The following PKHD1 variants were observed in gnomAD, a reference collection of about 807,000 sequenced individuals.
PKHD1 encodes the protein fibrocystin.
In PKHD1, 291 loss-of-function variants were observed where a neutral mutation model predicts 412.0. The observed-to-expected ratio is 0.71, with a 90% CI of 0.64 to 0.78. The LOEUF is 0.78. Ranked by LOEUF, PKHD1 falls within the 30% of genes least tolerant of loss-of-function variation. The pLI, the probability that PKHD1 is intolerant of heterozygous loss-of-function variation, is 0.00. For synonymous variants in PKHD1, 1,777 were observed against 1,821.5 expected (o/e 0.98, Z 0.62); for missense variants, 4,825 against 4,950.7 (o/e 0.97, Z 0.76).
At position 51,753,000 on chromosome 6, in the gene PKHD1, C is replaced by T. The variant is rs1786346666; in HGVS notation, c.8950+201G>A. On this transcript the variant is annotated intron_variant, in intron 57 of 66. Coordinates refer to ENST00000371117, the MANE Select transcript of PKHD1 (RefSeq NM_138694.4). ...GAGGTAAAATGTGCATATGTGCTGA[C>T]CACTAGTATATTATTTTAACATCAC... Among the ~76,000 whole-genome samples the T allele has an allele frequency of 2.0e-5, 3 of 152,128 alleles. No homozygotes were observed. The South Asian group carries it at 6.2e-4, about 32-fold the overall frequency.
In PKHD1 at chr6:52,010,443, C is replaced by G. The variant is rs769895249; in HGVS notation, c.5617G>C (p.Asp1873His). The change falls in exon 35 of 67, where the codon GAT (aspartate) becomes CAT (histidine). Residue 1873 changes from aspartate (D) to histidine (H), a missense_variant. Transcript: ENST00000371117. ...GLFISPKLER[D>H]EVLIYNSSCN... ...GAGCTATTATAGATGAGAACTTCAT[C>G]TCTTTCCAATTTAGGGCTGAAACGA... 1.9e-6 allele frequency: 3 copies of G among 1,604,256 alleles called. No homozygotes were observed. The highest frequency in any genetic ancestry group is 2.7e-5 in the African/African-American group (2 of 74,836).
rs910777182 is a variant in PKHD1 at position 51,940,886 on chromosome 6, C to T, written c.5909-6564G>A. Among the ~76,000 whole-genome samples, 20 of 151,444 alleles carry T rather than the reference C, an allele frequency of 1.3e-4. 1 individual carries two copies. ...CCAACTCTGGTGCCATCTTAGACAA[C>T]ATTCTTTTATGCACTCCTTTTTAGT... On this transcript the variant is annotated intron_variant, in intron 36 of 66. Coordinates refer to ENST00000371117, the MANE Select transcript of PKHD1 (RefSeq NM_138694.4).
chr6:51,643,610 T>C (rs1769673457), intron 63 of PKHD1, among the ~76,000 whole-genome samples: 1 of 152,168 alleles, frequency 6.6e-6, no homozygotes, highest in East Asian at 1.9e-4. Flanking sequence ...CCTCAAAGTT[T>C]GGTAGAAAAT....
chr6:51,872,374 G>C (rs1776111935), intron 46 of PKHD1, among the ~76,000 whole-genome samples: 1 of 150,400 alleles, frequency 6.6e-6, no homozygotes, highest in Non-Finnish European at 1.5e-5. Flanking sequence ...AAAAAAATAA[G>C]TTACGTACAA....
chr6:51,791,566 T>C (rs1301606991), intron 52 of PKHD1, among the ~76,000 whole-genome samples, 193 bp from the exon 53 acceptor site: 1 of 152,198 alleles, frequency 6.6e-6, no homozygotes, highest in Non-Finnish European at 1.5e-5. Flanking sequence ...GATTGATAAA[T>C]GCTGCAATTG....
At chr6:51,906,921 C>T (rs1782187274) in intron 40 of PKHD1, among the ~76,000 whole-genome samples, 1 of 152,016 alleles carries the variant, frequency 6.6e-6, no homozygotes, top group Non-Finnish European at 1.5e-5. Flanking sequence ...AAAAAATTGA[C>T]AATTAGGAAA....
In PKHD1 at chr6:51,855,954, A is replaced by G; in HGVS notation, c.7850T>C (p.Leu2617Pro). The G allele has an allele frequency of 2.5e-6, 4 of 1,613,934 alleles. No individual in the cohort carries two copies. The highest frequency in any genetic ancestry group is 3.4e-6 in the Non-Finnish European group (4 of 1,179,776). ...LSNPRGWMAL[L>P]LDQETYSLQS... ...CAATGAGTAGGTCTCTTGGTCCAAG[A>G]GCAGAGCCATCCAGCCACGAGGGTT... is the stretch of plus-strand genomic sequence containing the variant. The change falls in exon 49 of 67, where the codon CTC becomes CCC. Residue 2617 changes from leucine (L) to proline (P), a missense_variant. By Grantham distance (98) the Leu-to-Pro change is moderately conservative. Transcript: ENST00000371117.
At chr6:51,950,472 A>G (rs373893074) in intron 36 of PKHD1, among the ~76,000 whole-genome samples, 48 of 152,120 alleles carry the variant, frequency 3.2e-4, no homozygotes, top group African/African-American at 1.1e-3. Context: ...GGTCCTCACA[A>G]TTCCATAGGG....
chr6:51,900,797 T>C (rs1372073838), intron 43 of PKHD1, among the ~76,000 whole-genome samples: 25 of 151,696 alleles, frequency 1.6e-4, no homozygotes, highest in Non-Finnish European at 1.5e-5. Flanking sequence ...ATATCCAGAA[T>C]CTACAATGAA....
chr6:51,809,774 C>G (rs1024987262), intron 52 of PKHD1, among the ~76,000 whole-genome samples: 2 of 151,292 alleles, frequency 1.3e-5, no homozygotes, highest in African/African-American at 4.9e-5. Context: ...ATTGCATTTT[C>G]TAATTAGTGA....
chr6:51,980,793 T>C (rs756068680), intron 35 of PKHD1, among the ~76,000 whole-genome samples: 2 of 152,240 alleles, frequency 1.3e-5, no homozygotes, highest in African/African-American at 4.8e-5. Context: ...TTTGATACTC[T>C]GAACAGTACA....
At position 51,892,057 on chromosome 6, in the gene PKHD1, T is replaced by C. The variant is rs527877034; in HGVS notation, c.6997-4812A>G. ...GGTTCTTACCCTGGGTATTTGTAAA[T>C]AGACAGCCATTTCTTCCTCATTTTT... On this transcript the variant is annotated intron_variant, in intron 43 of 66. Transcript: ENST00000371117. Among the ~76,000 whole-genome samples the C allele has an allele frequency of 3.9e-4, 59 of 152,346 alleles. 1 individual carries two copies. In the South Asian group the frequency reaches 0.011, roughly 29 times the overall value.
At chr6:52,044,852 C>T (rs1805523905) in intron 25 of PKHD1, 114 bp downstream of exon 25, 2 of 1,170,112 alleles carry the variant, frequency 1.7e-6, no homozygotes, top group Non-Finnish European at 2.6e-6. Flanking sequence ...CTGTTTTACA[C>T]ATTGGCAAAA....
chr6:51,754,993 T>C (rs1786722453), intron 55 of PKHD1, 55 bp from the exon 56 acceptor site: 2 of 1,443,700 alleles, frequency 1.4e-6, no homozygotes, highest in Non-Finnish European at 1.9e-6. Flanking sequence ...ACAAATCATC[T>C]ATTAACTCCA....
chr6:51,659,946 A>T lies in PKHD1; in HGVS notation c.10180T>A (p.Cys3394Ser). 6.2e-7 allele frequency: 1 copy of T among 1,608,898 alleles called. No individual in the cohort carries two copies. The highest frequency in any genetic ancestry group is 1.1e-5 in the South Asian group (1 of 90,954). ...NAGTFREEQKCTYQFLMQGFI... is the reference protein window; with the variant it reads ...NAGTFREEQKSTYQFLMQGFI... ...CCTTGCATCAGAAATTGGTATGTAC[A>T]TTTCTGTTCTTCTCTAAATGTACCT... The change falls in exon 61 of 67, where the codon TGT (cysteine) becomes AGT (serine). Residue 3394 changes from cysteine (C) to serine (S), a missense_variant. By Grantham distance (112) the Cys-to-Ser change is moderately radical. Transcript: ENST00000371117.
chr6:51,668,810 G>A lies in PKHD1; in HGVS notation c.10157-8841C>T, dbSNP rs534406505. Among the ~76,000 whole-genome samples the A allele has an allele frequency of 4.3e-4, 65 of 152,248 alleles. 2 individuals carry two copies. In the East Asian group the frequency reaches 0.013, roughly 29 times the overall value. ...CTGCATCTATTGAGATAATCATGTGGTTTTTGTCTTCTGTTCTGTTTATAT... is the reference window on the plus strand; with the variant it reads ...CTGCATCTATTGAGATAATCATGTGATTTTTGTCTTCTGTTCTGTTTATAT... On this transcript the variant is annotated intron_variant, in intron 60 of 66. Transcript: ENST00000371117.
intron 56 of PKHD1, among the ~76,000 whole-genome samples, chr6:51,754,310 T>C (rs1248642129): frequency 6.6e-6 from 1 of 152,188 alleles, no homozygotes; most frequent in African/African-American, 2.4e-5. Flanking sequence ...GTAATAGTAG[T>C]AGTTAATACA....
intron 35 of PKHD1, among the ~76,000 whole-genome samples, chr6:51,979,836 C>T (rs1034274181): frequency 5.9e-5 from 9 of 152,288 alleles, no homozygotes; most frequent in African/African-American, 1.7e-4. Flanking sequence ...CTTGTATGCA[C>T]GTGTTTTTTC....
rs193080772 is a variant in PKHD1, at chr6:51,662,516, G to A, written c.10157-2547C>T. On this transcript the variant is annotated intron_variant, in intron 60 of 66. Coordinates refer to ENST00000371117, the MANE Select transcript of PKHD1 (RefSeq NM_138694.4). ...CTGGAAAAAAATAACAGAACTGCAC[G>A]TCAAAAATTTTTTAAGGAATTTAGA... Among the ~76,000 whole-genome samples the A allele has an allele frequency of 7.9e-4, 120 of 151,632 alleles. No homozygotes were observed. The East Asian group carries it at 0.012, about 15-fold the overall frequency.
Sources: allele counts gnomAD v4.1 joint callset (sites outside exome capture counted in the v4.1 genomes callset), GRCh38; gene constraint gnomAD v4.1.1; transcripts MANE v1.5; gene names NCBI Gene and HGNC (gene_info 2026-07-23, HGNC 2026-07-21).